LRP10: variants seen among roughly 807,000 people sequenced by gnomAD.
LRP10 encodes the protein LDL receptor related protein 10, also known as low-density lipoprotein receptor-related protein 10.
Under a neutral mutation model 58.5 loss-of-function variants are expected in LRP10, and 42 were observed. That is an observed-to-expected ratio of 0.72 (90% CI 0.56 to 0.93). The LOEUF (loss-of-function observed/expected upper bound fraction) is 0.93, where lower values mean the gene tolerates loss of function less well. Among genes scored for constraint, LRP10 ranks in the 40% least tolerant of loss-of-function variants. The pLI, the probability that LRP10 is intolerant of heterozygous loss-of-function variation, is 0.00. For synonymous variants in LRP10, 377 were observed against 388.5 expected, an observed-to-expected ratio of 0.97 and a Z score of 0.35; for missense variants, 872 against 940.1, an observed-to-expected ratio of 0.93 and a Z score of 0.95.
rs1418353983 is a variant in LRP10, at chr14:22,878,509, T to G, written c.*982T>G. 1 of 152,258 alleles carries G rather than the reference T, an allele frequency of 6.6e-6. No individual in the cohort carries two copies. Among genetic ancestry groups the G allele is most frequent in the African/African-American group, 2.4e-5 (1 of 41,404 alleles). The allele number at this position is 152,258 out of a possible 1,614,324, so 9.4% of individuals were successfully genotyped here. ...CCACCCTCCACACCCACCAGGCATT[T>G]AGCAGTCTGTCCTATGCAAGACAGA... On this transcript the variant is annotated 3_prime_UTR_variant, in exon 7 of 7. Transcript: ENST00000359591.
Position 22,875,429 on chromosome 14 carries a change from G to A in LRP10, c.481G>A (p.Gly161Arg), listed in dbSNP as rs757748715. The A allele has an allele frequency of 6.2e-7, 1 of 1,614,188 alleles. No homozygotes were observed. Among genetic ancestry groups the A allele is most frequent in the Non-Finnish European group, 8.5e-7 (1 of 1,180,042 alleles). The change falls in exon 5 of 7, where the codon GGG becomes AGG. Residue 161 changes from glycine to arginine, a missense_variant. Coordinates refer to ENST00000359591, the MANE Select transcript of LRP10 (RefSeq NM_014045.5). ...TGTATCTGCTGTCCAGCGCTGTGATGGGGTTGATGCCTGTGGCGATGGCTC... is the reference window on the plus strand; with the variant it reads ...TGTATCTGCTGTCCAGCGCTGTGATAGGGTTGATGCCTGTGGCGATGGCTC... ...RCVSAVQRCDGVDACGDGSDE... is the reference protein window; with the variant it reads ...RCVSAVQRCDRVDACGDGSDE...
chr14:22,872,457 G>C lies in LRP10; in HGVS notation c.34+120G>C, dbSNP rs8011536. ...CCATTCCCCCCAGCCCCTGCCGCCA[G>C]CCCCAGCACTGCCGGCCCCAACCCC... On this transcript the variant is annotated intron_variant, in intron 1 of 6. Coordinates refer to ENST00000359591, the MANE Select transcript of LRP10 (RefSeq NM_014045.5). The C allele has an allele frequency of 0.33, 375,086 of 1,124,826 alleles. 64,138 individuals carry two copies. The highest frequency in any genetic ancestry group is 0.36 in the Non-Finnish European group (273,841 of 770,990). 69.7% of individuals were successfully genotyped at this position (1,124,826 alleles called of 1,614,324 possible). A position where few individuals can be genotyped will look rare whatever the true frequency, so the allele number is the denominator to read the frequency against.
chr14:22,872,618 C>A, intron 1 of LRP10, 120 bp from the exon 2 acceptor site: 1 of 966,380 alleles, frequency 1.0e-6, no homozygotes. Context: ...CTCCCGCCCC[C>A]CACTCCCTCT....
In LRP10 at chr14:22,875,511, C is replaced by T. The variant is rs1412375859; in HGVS notation, c.563C>T (p.Pro188Leu). The T allele has an allele frequency of 1.2e-6, 2 of 1,614,110 alleles. No homozygotes were observed. The highest frequency in any genetic ancestry group is 1.7e-6 in the Non-Finnish European group (2 of 1,180,032). The part of the protein sequence containing the change: ...PFPGLTPRPV[P>L]SLPCNVTLED... ...CCTGGCCTGACCCCAAGACCCGTCC[C>T]CTCCCTGCCTTGCAATGTCACCTTG... Residue 188 changes from proline (P) to leucine (L), a missense_variant, in exon 5 of 7, where the codon CCC (proline) becomes CTC (leucine). Pro to Leu is a moderately conservative substitution (Grantham distance 98). Coordinates refer to ENST00000359591, the MANE Select transcript of LRP10 (RefSeq NM_014045.5).
Position 22,875,944 on chromosome 14 carries a change from C to G in LRP10, c.996C>G (p.Tyr332Ter). 2 of 1,613,748 alleles carry G rather than the reference C, an allele frequency of 1.2e-6. No homozygotes were observed. Among genetic ancestry groups the G allele is most frequent in the Non-Finnish European group, 1.7e-6 (2 of 1,180,036 alleles). Residue 332 changes from tyrosine to a stop codon, truncating the protein, a stop_gained, in exon 5 of 7, where the codon TAC (tyrosine) becomes TAG (stop). Coordinates refer to ENST00000359591, the MANE Select transcript of LRP10 (RefSeq NM_014045.5). LOFTEE classifies it high-confidence loss of function. The part of the protein sequence containing the change: ...GAGEGLGERC[Y>*]SEAQRCDGSW... ...GCGAAGGCCTAGGTGAGCGCTGCTA[C>G]AGTGAGGCACAGCGCTGTGACGGCT... is the stretch of plus-strand genomic sequence containing the variant.
At position 22,875,514 on chromosome 14, in the gene LRP10, C is replaced by T; in HGVS notation, c.566C>T (p.Ser189Phe). 6.2e-7 allele frequency: 1 copy of T among 1,614,202 alleles called. No homozygotes were observed. ...FPGLTPRPVPSLPCNVTLEDF... is the reference protein window; with the variant it reads ...FPGLTPRPVPFLPCNVTLEDF... ...GGCCTGACCCCAAGACCCGTCCCCT[C>T]CCTGCCTTGCAATGTCACCTTGGAG... Residue 189 changes from serine to phenylalanine, a missense_variant, in exon 5 of 7, where the codon TCC becomes TTC. Coordinates refer to ENST00000359591, the MANE Select transcript of LRP10 (RefSeq NM_014045.5).
chr14:22,873,430 C>T lies in LRP10; in HGVS notation c.199C>T (p.Gln67Ter). The change falls in exon 3 of 7, where the codon CAG becomes TAG. Residue 67 changes from glutamine (Q) to a stop codon, truncating the protein, a stop_gained. Coordinates refer to ENST00000359591, the MANE Select transcript of LRP10 (RefSeq NM_014045.5). LOFTEE classifies it high-confidence loss of function. ...CTGGCTCATCCTGGGCAGCAAGGAA[C>T]AGACTGTCACCATCAGGTGAGAAGC... Reference protein sequence around the residue: ...CTWLILGSKEQTVTIRFQKLH... With the variant: ...CTWLILGSKE 5.0e-6 allele frequency: 8 copies of T among 1,614,182 alleles called. No individual in the cohort carries two copies. Among genetic ancestry groups the T allele is most frequent in the Non-Finnish European group, 6.8e-6 (8 of 1,180,020 alleles).
rs767434807 is a variant in LRP10 at position 22,872,296 on chromosome 14, A to G, written c.-8A>G. 1 of 1,613,982 alleles carries G rather than the reference A, an allele frequency of 6.2e-7. No individual in the cohort carries two copies. Among genetic ancestry groups the G allele is most frequent in the East Asian group, 2.2e-5 (1 of 44,874 alleles). The stretch of plus-strand genomic sequence containing the variant: ...CGGGACCCTTCCGGCACCTCTGGAC[A>G]GCCCAGGATGCTGTTGGCCACCCTC... On this transcript the variant is annotated 5_prime_UTR_variant, in exon 1 of 7. Coordinates refer to ENST00000359591, the MANE Select transcript of LRP10 (RefSeq NM_014045.5).
In LRP10 at chr14:22,881,616, AG is replaced by A. The variant is rs1335949697; in HGVS notation, c.*4093del. ...GTGTGGTGTTGCCTCCCTGACTACA[AG>A]GGGTCACTTGCTACTCTAAATGTGT... is the stretch of plus-strand genomic sequence containing the variant. On this transcript the variant is annotated 3_prime_UTR_variant, in exon 7 of 7. Transcript: ENST00000359591. 3.9e-5 allele frequency: 6 copies of A among 152,226 alleles called. No individual in the cohort carries two copies. The highest frequency in any genetic ancestry group is 1.4e-4 in the African/African-American group (6 of 41,454). 9.4% of individuals were successfully genotyped at this position (152,226 alleles called of 1,614,324 possible). A position where few individuals can be genotyped will look rare whatever the true frequency, so the allele number is the denominator to read the frequency against.
chr14:22,872,941 C>T, intron 2 of LRP10, 159 bp downstream of exon 2: 1 of 702,112 alleles, frequency 1.4e-6, no homozygotes, highest in East Asian at 2.7e-5. Context: ...TCGGTGTGGA[C>T]CTTCATCTGG....
intron 3 of LRP10, among the ~76,000 whole-genome samples, chr14:22,874,482 A>ACTG (rs1420391893): frequency 1.1e-4 from 17 of 152,244 alleles, no homozygotes; most frequent in Admixed American, 6.5e-5. Context: ...TCAGTCCCAG[A>ACTG]ACACAAGTCA....
Position 22,876,722 on chromosome 14 carries a change from G to C in LRP10, c.1458G>C (p.Glu486Asp), listed in dbSNP as rs142130715. ...IFAPLSRMEAEIVQQQAPPSY... is the reference protein window; with the variant it reads ...IFAPLSRMEADIVQQQAPPSY... ...CCCCCCTCTCCCGGATGGAGGCTGA[G>C]ATTGTGCAGCAGCAGGCACCCCCTT... The change falls in exon 6 of 7, where the codon GAG becomes GAC. Residue 486 changes from glutamate to aspartate, a missense_variant. By Grantham distance (45) the Glu-to-Asp change is conservative. Transcript: ENST00000359591. The C allele has an allele frequency of 1.7e-4, 273 of 1,614,014 alleles. No homozygotes were observed. Among genetic ancestry groups the C allele is most frequent in the Admixed American group, 5.7e-4 (34 of 60,012 alleles).
chr14:22,881,378 T>C lies in LRP10; in HGVS notation c.*3851T>C, dbSNP rs2040060475. 6.6e-6 allele frequency: 1 copy of C among 152,198 alleles called. No individual in the cohort carries two copies. The highest frequency in any genetic ancestry group is 1.5e-5 in the Non-Finnish European group (1 of 68,022). 9.4% of individuals were successfully genotyped at this position (152,198 alleles called of 1,614,324 possible). The stretch of plus-strand genomic sequence containing the variant: ...TAAAAATACTCATTTTGGAAGGAAG[T>C]CATTCTAAAATGTTACACTTGTCTT... On this transcript the variant is annotated 3_prime_UTR_variant, in exon 7 of 7. Transcript: ENST00000359591.
Position 22,877,314 on chromosome 14 carries a change from A to G in LRP10, c.1929A>G (p.Ser643=), listed in dbSNP as rs755502062. ...CTGAAGCCCCAGGGCCACTGCCCTCACTGCCCCTAGAGCCATCACTATTGT... is the reference window on the plus strand; with the variant it reads ...CTGAAGCCCCAGGGCCACTGCCCTCGCTGCCCCTAGAGCCATCACTATTGT... ...TVPEAPGPLP[S]LPLEPSLLSG... The change falls in exon 7 of 7, where the codon TCA becomes TCG. Residue 643 remains serine, a synonymous_variant. Transcript: ENST00000359591. This position sits in a 1 kb window ranked among gnomAD's most constrained non-coding sequence, Gnocchi z 5.1. The G allele has an allele frequency of 2.5e-6, 4 of 1,611,938 alleles. No individual in the cohort carries two copies. The highest frequency in any genetic ancestry group is 1.1e-5 in the South Asian group (1 of 90,840).
chr14:22,875,784 T>G lies in LRP10; in HGVS notation c.836T>G (p.Leu279Arg). 1 of 1,614,176 alleles carries G rather than the reference T, an allele frequency of 6.2e-7. No individual in the cohort carries two copies. Among genetic ancestry groups the G allele is most frequent in the Non-Finnish European group, 8.5e-7 (1 of 1,180,010 alleles). The change falls in exon 5 of 7, where the codon CTG (leucine) becomes CGG (arginine). Residue 279 changes from leucine (L) to arginine (R), a missense_variant. Coordinates refer to ENST00000359591, the MANE Select transcript of LRP10 (RefSeq NM_014045.5). Reference protein sequence around the residue: ...SNGKAVTVETLSGQAVVSYHT... With the variant: ...SNGKAVTVETRSGQAVVSYHT... ...GGCAAGGCTGTCACTGTGGAGACAC[T>G]GTCTGGCCAGGCTGTTGTGTCCTAC... is the stretch of plus-strand genomic sequence containing the variant.
In LRP10 at chr14:22,879,300, C is replaced by T. The variant is rs1015489225; in HGVS notation, c.*1773C>T. 1.1e-5 allele frequency: 5 copies of T among 438,114 alleles called. No individual in the cohort carries two copies. The highest frequency in any genetic ancestry group is 6.3e-5 in the South Asian group (4 of 63,388). 27.1% of individuals were successfully genotyped at this position (438,114 alleles called of 1,614,324 possible). A position where few individuals can be genotyped will look rare whatever the true frequency, so the allele number is the denominator to read the frequency against. ...GGGAAGACCCGAGCTCCTTTCACTGCAGACCCTCTCCAGAGACTGGGGAGA... is the reference window on the plus strand; with the variant it reads ...GGGAAGACCCGAGCTCCTTTCACTGTAGACCCTCTCCAGAGACTGGGGAGA... On this transcript the variant is annotated 3_prime_UTR_variant, in exon 7 of 7. Coordinates refer to ENST00000359591, the MANE Select transcript of LRP10 (RefSeq NM_014045.5).
chr14:22,872,757 A>T lies in LRP10; in HGVS notation c.54A>T (p.Pro18=). The change falls in exon 2 of 7, where the codon CCA becomes CCT. Residue 18 remains proline, a synonymous_variant. Transcript: ENST00000359591. ...CTCTAGGAGGCGCTCTGGCCCATCC[A>T]GACCGGATTATTTTTCCAAATCATG... ...LLLLGGALAH[P]DRIIFPNHAC... 8 of 1,614,174 alleles carry T rather than the reference A, an allele frequency of 5.0e-6. No individual in the cohort carries two copies. The highest frequency in any genetic ancestry group is 6.8e-6 in the Non-Finnish European group (8 of 1,180,018).
chr14:22,873,128 G>A, intron 2 of LRP10, 183 bp from the exon 3 acceptor site: 1 of 684,030 alleles, frequency 1.5e-6, no homozygotes, highest in Non-Finnish European at 2.5e-6. Context: ...AAGCTATGAA[G>A]AATGTGGAGA....
chr14:22,873,343 G>C lies in LRP10; in HGVS notation c.112G>C (p.Val38Leu), dbSNP rs1329720763. The part of the protein sequence containing the change: ...CEDPPAVLLE[V>L]QGTLQRPLVR... ...GGACCCCCCAGCAGTGCTCTTAGAA[G>C]TGCAGGGCACCTTACAGAGGCCCCT... Residue 38 changes from valine (V) to leucine (L), a missense_variant, in exon 3 of 7, where the codon GTG (valine) becomes CTG (leucine). Transcript: ENST00000359591. 1 of 1,613,994 alleles carries C rather than the reference G, an allele frequency of 6.2e-7. No individual in the cohort carries two copies. Among genetic ancestry groups the C allele is most frequent in the Non-Finnish European group, 8.5e-7 (1 of 1,180,028 alleles).
Sources: gnomAD v4.1 joint callset for allele counts (sites outside exome capture counted in the v4.1 genomes callset) on GRCh38, gnomAD v4.1.1 for gene constraint, Gnocchi (gnomAD v3.1) non-coding constraint, MANE v1.5 for transcripts, NCBI Gene and HGNC (gene_info 2026-07-23, HGNC 2026-07-21) for gene names.